The following MYO3B variants were observed in gnomAD, a reference collection of about 807,000 sequenced individuals.
The protein encoded by MYO3B is myosin-IIIb.
A neutral mutation model predicts 174.6 loss-of-function variants in MYO3B; 156 were observed. The ratio of observed to expected loss-of-function variants is 0.89; its 90% CI spans 0.78 to 1.02. The LOEUF (loss-of-function observed/expected upper bound fraction) is 1.02, where lower values mean the gene tolerates loss of function less well. MYO3B is among the 50% of genes least tolerant of loss of function. The pLI is 0.00. For synonymous variants in MYO3B, 563 were observed against 569.1 expected, an observed-to-expected ratio of 0.99 and a Z score of 0.15; for missense variants, 1,632 against 1,639.4, an observed-to-expected ratio of 1.00 and a Z score of 0.08.
chr2:170,550,898 ATTGT>A (rs1690833124), intron 32 of MYO3B, among the ~76,000 whole-genome samples: 1 of 151,980 alleles, frequency 6.6e-6, no homozygotes, highest in African/African-American at 2.4e-5. Flanking sequence ...GACTGCCTTT[ATTGT>A]TTGTTTGTTT....
intron 32 of MYO3B, among the ~76,000 whole-genome samples, chr2:170,636,353 T>G (rs1697472271): frequency 6.6e-6 from 1 of 151,456 alleles, no homozygotes; most frequent in African/African-American, 2.4e-5. Context: ...GGAAATAACA[T>G]AACTGTTTGT....
At chr2:170,392,565 TTC>T in intron 16 of MYO3B, 70 bp downstream of exon 16, 2 of 1,046,376 alleles carry the variant, frequency 1.9e-6, no homozygotes, top group Non-Finnish European at 2.7e-6. Context: ...GATGTGGTAT[TTC>T]TCACTTGGGA....
At chr2:170,515,334 C>G (rs889675279) in intron 29 of MYO3B, among the ~76,000 whole-genome samples, 2 of 152,192 alleles carry the variant, frequency 1.3e-5, no homozygotes, top group African/African-American at 2.4e-5. Flanking sequence ...TTAACCTGTC[C>G]TCTTGAGGCA....
intron 8 of MYO3B, among the ~76,000 whole-genome samples, chr2:170,363,049 G>T (rs1168092284): frequency 6.6e-6 from 1 of 152,132 alleles, no homozygotes; most frequent in Admixed American, 6.5e-5. Flanking sequence ...CCTTCTGTTT[G>T]ACGATGATAG....
chr2:170,496,993 A>G (rs1686891568), intron 25 of MYO3B, among the ~76,000 whole-genome samples: 1 of 151,954 alleles, frequency 6.6e-6, no homozygotes, highest in Non-Finnish European at 1.5e-5. Context: ...GGAGGAAAAA[A>G]CCCTTTTGGT....
At chr2:170,589,980 C>A (rs7567769) in intron 32 of MYO3B, among the ~76,000 whole-genome samples, 1,769 of 152,216 alleles carry the variant, frequency 0.012, 29 homozygotes, top group African/African-American at 0.04. Context: ...ATTGTAATTG[C>A]CTATTGTAAT....
chr2:170,357,755 A>G (rs567552907), intron 8 of MYO3B, among the ~76,000 whole-genome samples: 1 of 152,356 alleles, frequency 6.6e-6, no homozygotes, highest in South Asian at 2.1e-4. Context: ...GAAGACAAAC[A>G]TAAAGTTACC....
chr2:170,581,637 T>C (rs1693155477), intron 32 of MYO3B, among the ~76,000 whole-genome samples: 1 of 152,150 alleles, frequency 6.6e-6, no homozygotes, highest in Non-Finnish European at 1.5e-5. Flanking sequence ...ATATATGATA[T>C]ATGGGATGAA....
At chr2:170,595,810 G>A (rs557762843) in intron 32 of MYO3B, among the ~76,000 whole-genome samples, 2 of 152,184 alleles carry the variant, frequency 1.3e-5, no homozygotes, top group South Asian at 2.1e-4. Context: ...CTGTGCCTTC[G>A]TAGGCTTCTC....
intron 32 of MYO3B, among the ~76,000 whole-genome samples, chr2:170,594,379 T>C (rs1694009311): frequency 6.6e-6 from 1 of 152,168 alleles, no homozygotes; most frequent in Admixed American, 6.5e-5. Flanking sequence ...GGAGAGACTC[T>C]AGGCTTGCAG....
intron 32 of MYO3B, among the ~76,000 whole-genome samples, chr2:170,568,854 A>G (rs181291848): frequency 6.6e-6 from 1 of 152,306 alleles, no homozygotes; most frequent in African/African-American, 2.4e-5. Flanking sequence ...AAGTCAACTC[A>G]CTGTTTCTTT....
chr2:170,262,474 G>A (rs1214347044), intron 7 of MYO3B, among the ~76,000 whole-genome samples: 3 of 152,142 alleles, frequency 2.0e-5, no homozygotes, highest in Non-Finnish European at 4.4e-5. Context: ...GGATGAGTTG[G>A]GGAAAATAGG....
At chr2:170,494,727 CA>C (rs3066990) in intron 25 of MYO3B, among the ~76,000 whole-genome samples, 25,454 of 91,256 alleles carry the variant, frequency 0.28, 1,231 homozygotes, top group South Asian at 0.34. Flanking sequence ...AACTGCGTCT[CA>C]AAAAAAAAAA....
chr2:170,237,030 T>G (rs2113655), intron 7 of MYO3B, among the ~76,000 whole-genome samples: 151,276 of 152,322 alleles, frequency 0.99, 75,128 homozygotes, highest in Middle Eastern at 1. Flanking sequence ...TCATCATAAT[T>G]TTATCATTTT....
chr2:170,316,442 T>C (rs2093776135), intron 7 of MYO3B, among the ~76,000 whole-genome samples: 1 of 152,230 alleles, frequency 6.6e-6, no homozygotes, highest in Admixed American at 6.5e-5. Flanking sequence ...ACTCATAAAA[T>C]CTTCATTTTA....
chr2:170,589,857 C>A (rs1693714727), intron 32 of MYO3B, among the ~76,000 whole-genome samples: 1 of 152,198 alleles, frequency 6.6e-6, no homozygotes, highest in African/African-American at 2.4e-5. Flanking sequence ...GTGCAACTTC[C>A]AATCCTGTAA....
intron 25 of MYO3B, among the ~76,000 whole-genome samples, chr2:170,495,116 G>A (rs1259981746): frequency 6.6e-6 from 1 of 152,182 alleles, no homozygotes; most frequent in Non-Finnish European, 1.5e-5. Context: ...AGATTCTCAA[G>A]ACAGACTTTT....
chr2:170,512,993 G>C lies in MYO3B; in HGVS notation c.3371-1928G>C, dbSNP rs75181409. ...ATTAAATGAGTTAATGTTTGCAAAG[G>C]GCTGAGAACAATGCATGGAACATAA... On this transcript the variant is annotated intron_variant, in intron 28 of 34. Transcript: ENST00000408978. 9.2e-3 allele frequency among the ~76,000 whole-genome samples: 1,393 copies of C among 152,116 alleles called. 48 individuals are homozygous for C. The East Asian group carries it at 0.1, about 11-fold the overall frequency.
At chr2:170,272,200 A>C (rs1291969021) in intron 7 of MYO3B, among the ~76,000 whole-genome samples, 1 of 152,002 alleles carries the variant, frequency 6.6e-6, no homozygotes, top group African/African-American at 2.4e-5. Flanking sequence ...GCAAATTCAC[A>C]GGCCCTAGCC....
Sources: allele counts gnomAD v4.1 joint callset (sites outside exome capture counted in the v4.1 genomes callset), GRCh38; gene constraint gnomAD v4.1.1; transcripts MANE v1.5; gene names NCBI Gene and HGNC (gene_info 2026-07-23, HGNC 2026-07-21).